The following CDIP1 variants were observed in gnomAD, a reference collection of about 807,000 sequenced individuals.
CDIP1 encodes cell death inducing p53 target 1.
CDIP1 carries 9 observed loss-of-function variants against 17.7 expected under a neutral mutation model. The ratio of observed to expected loss-of-function variants is 0.51; its 90% CI spans 0.31 to 0.89. CDIP1 has a LOEUF of 0.89. Ranked by LOEUF, CDIP1 falls within the 40% of genes least tolerant of loss-of-function variation. The pLI is 0.05. For missense variants in CDIP1, 263 were observed against 277.9 expected (o/e 0.95, Z 0.38); for synonymous variants, 117 against 109.5 (o/e 1.07, Z -0.43).
chr16:4,526,652 A>C lies in CDIP1; in HGVS notation c.-104-11988T>G, dbSNP rs186639194. Among the ~76,000 whole-genome samples, 569 of 152,036 alleles carry C rather than the reference A, an allele frequency of 3.7e-3. 2 individuals are homozygous for C. Among genetic ancestry groups the C allele is most frequent in the African/African-American group, 0.013 (541 of 41,486 alleles). On this transcript the variant is annotated intron_variant, in intron 1 of 5. Transcript: ENST00000567695. Reference sequence around the variant, plus strand: ...GAGGCGGAGCTTGCAGTGAGCTGAGATCGCGCCACTACACTCCAGCCTGGG... The same window carrying C: ...GAGGCGGAGCTTGCAGTGAGCTGAGCTCGCGCCACTACACTCCAGCCTGGG...
chr16:4,514,325 C>T lies in CDIP1; in HGVS notation c.-14-181G>A, dbSNP rs75930956. ...CCACCTAGCCCAGAGCCACCATCCTCACCTCTCAGTAGTCACCTGCTCTTC... is the reference window on the plus strand; with the variant it reads ...CCACCTAGCCCAGAGCCACCATCCTTACCTCTCAGTAGTCACCTGCTCTTC... On this transcript the variant is annotated intron_variant, in intron 2 of 5. Transcript: ENST00000567695. This position sits in a 1 kb window ranked among gnomAD's most constrained non-coding sequence, Gnocchi z 5.2. Among the ~76,000 whole-genome samples, 11,926 of 152,234 alleles carry T rather than the reference C, an allele frequency of 0.078. 778 individuals carry two copies. Among genetic ancestry groups the T allele is most frequent in the African/African-American group, 0.17 (7,203 of 41,510 alleles).
At chr16:4,528,770 C>T (rs1450676227) in intron 1 of CDIP1, among the ~76,000 whole-genome samples, 2 of 151,390 alleles carry the variant, frequency 1.3e-5, no homozygotes, top group African/African-American at 4.9e-5. Context: ...ACGCAGATCA[C>T]CTGAGGTCAG....
intron 1 of CDIP1, among the ~76,000 whole-genome samples, chr16:4,528,398 T>C (rs1230968764): frequency 1.3e-5 from 2 of 152,138 alleles, no homozygotes; most frequent in East Asian, 3.9e-4. Flanking sequence ...ATTAACAGTT[T>C]TTCTGGGCAG....
chr16:4,525,137 G>T (rs1394910328), intron 1 of CDIP1, among the ~76,000 whole-genome samples: 4 of 152,042 alleles, frequency 2.6e-5, no homozygotes, highest in Non-Finnish European at 5.9e-5. Flanking sequence ...AGTTCCTTAG[G>T]TCTGAAGGAA....
At chr16:4,523,518 A>C (rs903527877) in intron 1 of CDIP1, among the ~76,000 whole-genome samples, 1 of 152,102 alleles carries the variant, frequency 6.6e-6, no homozygotes, top group Non-Finnish European at 1.5e-5. Flanking sequence ...ATCTCAAAGA[A>C]AGAAAAAAAA....
chr16:4,520,595 A>G (rs575834099), intron 1 of CDIP1, among the ~76,000 whole-genome samples: 2 of 152,312 alleles, frequency 1.3e-5, no homozygotes, highest in East Asian at 3.9e-4. Flanking sequence ...AGATCTACCA[A>G]TGTTGACACA....
At chr16:4,520,197 C>T (rs1391940097) in intron 1 of CDIP1, among the ~76,000 whole-genome samples, 3 of 151,836 alleles carry the variant, frequency 2.0e-5, no homozygotes, top group Admixed American at 6.6e-5. Context: ...CTGCAGCCTC[C>T]GCCTCCCGGG....
intron 1 of CDIP1, among the ~76,000 whole-genome samples, chr16:4,520,706 G>C (rs879235351): frequency 1.3e-5 from 2 of 152,096 alleles, no homozygotes; most frequent in Admixed American, 1.3e-4. Flanking sequence ...TCATTTGAAA[G>C]CTTGAATTTC....
intron 1 of CDIP1, among the ~76,000 whole-genome samples, chr16:4,530,809 A>T (rs1400235228): frequency 6.6e-6 from 1 of 152,084 alleles, no homozygotes; most frequent in African/African-American, 2.4e-5. Flanking sequence ...ACTGAACTCC[A>T]CCTGGGCAAC....
In CDIP1 at chr16:4,511,390, A is replaced by T. The variant is rs2058827004; in HGVS notation, c.*1182T>A. The T allele has an allele frequency of 6.5e-6, 1 of 152,842 alleles. No homozygotes were observed. The highest frequency in any genetic ancestry group is 2.4e-5 in the African/African-American group (1 of 41,460). 9.5% of individuals were successfully genotyped at this position (152,842 alleles called of 1,614,324 possible). On this transcript the variant is annotated 3_prime_UTR_variant, in exon 6 of 6. Transcript: ENST00000567695. ...TGAGACTGGGCCACGATTCACAGTG[A>T]CAGGAGGCCATGCAGTGGCAGTGCG...
Position 4,512,477 on chromosome 16 carries a change from G to T in CDIP1, c.*95C>A. The T allele has an allele frequency of 2.3e-6, 2 of 887,982 alleles. No homozygotes were observed. The highest frequency in any genetic ancestry group is 3.7e-6 in the Non-Finnish European group (2 of 533,922). 55.0% of individuals were successfully genotyped at this position (887,982 alleles called of 1,614,324 possible). ...CTAGGGGATGGTGGCACGGCTCCCA[G>T]CCCCAAGTGGGAGCGGGAAAGTGAC... On this transcript the variant is annotated 3_prime_UTR_variant, in exon 6 of 6. Coordinates refer to ENST00000567695, the MANE Select transcript of CDIP1 (RefSeq NM_013399.3). The surrounding 1 kb of genome is among the most constrained non-coding windows in gnomAD (Gnocchi z 4.6).
intron 1 of CDIP1, among the ~76,000 whole-genome samples, chr16:4,535,740 G>A (rs553080604): frequency 6.6e-6 from 1 of 152,254 alleles, no homozygotes; most frequent in Non-Finnish European, 1.5e-5. Context: ...ACGGGTTCAG[G>A]AGCCACCAGA....
chr16:4,518,101 C>T (rs1412056908), intron 1 of CDIP1, among the ~76,000 whole-genome samples: 1 of 152,200 alleles, frequency 6.6e-6, no homozygotes, highest in Non-Finnish European at 1.5e-5. Context: ...CTGCACTGTG[C>T]TTGGTGAGTC....
chr16:4,537,177 AACTT>A (rs1176717578), intron 1 of CDIP1, among the ~76,000 whole-genome samples: 3 of 152,208 alleles, frequency 2.0e-5, no homozygotes, highest in Non-Finnish European at 4.4e-5. Flanking sequence ...TGATATCTGC[AACTT>A]ACTTTGACAC....
intron 1 of CDIP1, among the ~76,000 whole-genome samples, chr16:4,526,364 C>T (rs117655490): frequency 0.064 from 9,687 of 151,680 alleles, 413 homozygotes; most frequent in Middle Eastern, 0.12. Context: ...GAGATCACAC[C>T]GTCGCACTCC....
chr16:4,519,925 G>C (rs2058927551), intron 1 of CDIP1, among the ~76,000 whole-genome samples: 1 of 152,070 alleles, frequency 6.6e-6, no homozygotes, highest in Non-Finnish European at 1.5e-5. Context: ...TGCAGAACCA[G>C]GAACCAAATA....
intron 1 of CDIP1, among the ~76,000 whole-genome samples, chr16:4,517,874 T>C (rs1457443630): frequency 6.6e-6 from 1 of 152,140 alleles, no homozygotes; most frequent in Non-Finnish European, 1.5e-5. Flanking sequence ...CAGCCTTTCA[T>C]GGGGCTTTAC....
At position 4,522,254 on chromosome 16, in the gene CDIP1, T is replaced by C. The variant is rs567347387; in HGVS notation, c.-104-7590A>G. ...AAGGGCCATCTCTCCTGGTGGGCTG[T>C]GGAAATGCCAGGGGCCTGCCTGGGA... is the stretch of plus-strand genomic sequence containing the variant. On this transcript the variant is annotated intron_variant, in intron 1 of 5. Coordinates refer to ENST00000567695, the MANE Select transcript of CDIP1 (RefSeq NM_013399.3). Among the ~76,000 whole-genome samples the C allele has an allele frequency of 2.0e-5, 3 of 152,240 alleles. No homozygotes were observed. In the South Asian group the frequency reaches 6.2e-4, roughly 32 times the overall value.
At chr16:4,517,368 T>C (rs1316619625) in intron 1 of CDIP1, among the ~76,000 whole-genome samples, 1 of 152,242 alleles carries the variant, frequency 6.6e-6, no homozygotes, top group Middle Eastern at 3.4e-3. Context: ...GGGCGGGGCA[T>C]AAGTCTAGGA....
Sources: gnomAD v4.1 joint callset for allele counts (sites outside exome capture counted in the v4.1 genomes callset) on GRCh38, gnomAD v4.1.1 for gene constraint, Gnocchi (gnomAD v3.1) non-coding constraint, MANE v1.5 for transcripts, NCBI Gene and HGNC (gene_info 2026-07-23, HGNC 2026-07-21) for gene names.